SLX4IP: variants seen among roughly 807,000 people sequenced by gnomAD.
SLX4IP encodes SLX4 interacting protein, also known as protein SLX4IP.
SLX4IP carries 34 observed loss-of-function variants against 32.9 expected under a neutral mutation model. That is an observed-to-expected ratio of 1.03 (90% CI 0.79 to 1.38). SLX4IP has a LOEUF of 1.38. Ranked by LOEUF, SLX4IP falls within the 40% of genes most tolerant of loss-of-function variation. The pLI is 0.00. For synonymous variants in SLX4IP, 172 were observed against 171.7 expected, an observed-to-expected ratio of 1.00 and a Z score of -0.01; for missense variants, 444 against 479.0, an observed-to-expected ratio of 0.93 and a Z score of 0.68.
intron 6 of SLX4IP, chr20:10,614,071 C>G: frequency 1.9e-6 from 3 of 1,542,164 alleles, no homozygotes; most frequent in South Asian, 2.3e-5. Context: ...TCCTTGTCGC[C>G]CTCGCCCACC....
intron 2 of SLX4IP, among the ~76,000 whole-genome samples, chr20:10,476,156 G>A (rs1353194179): frequency 6.6e-6 from 1 of 150,710 alleles, no homozygotes; most frequent in Non-Finnish European, 1.5e-5. Context: ...GTGTGTGTGT[G>A]TATATATATA....
chr20:10,608,125 A>C (rs6032908), intron 6 of SLX4IP, among the ~76,000 whole-genome samples: 110,742 of 152,030 alleles, frequency 0.73, 40,987 homozygotes, highest in African/African-American at 0.86. Context: ...CCATTGATGA[A>C]CCCTTTGATA....
At chr20:10,472,537 A>G (rs2065434324) in intron 2 of SLX4IP, among the ~76,000 whole-genome samples, 1 of 152,072 alleles carries the variant, frequency 6.6e-6, no homozygotes, top group Non-Finnish European at 1.5e-5. Context: ...GCCTGGTAAT[A>G]CTATACATTT....
At chr20:10,613,472 T>C (rs1293296817) in intron 6 of SLX4IP, 3 of 1,601,362 alleles carry the variant, frequency 1.9e-6, no homozygotes, top group African/African-American at 2.7e-5. Context: ...ATTTTTTCCC[T>C]CCTCCTTTGG....
At chr20:10,527,075 C>T (rs2065946050) in intron 2 of SLX4IP, among the ~76,000 whole-genome samples, 1 of 152,232 alleles carries the variant, frequency 6.6e-6, no homozygotes, top group Admixed American at 6.5e-5. Context: ...GATATATCAT[C>T]TTCTGGCTGT....
intron 4 of SLX4IP, among the ~76,000 whole-genome samples, chr20:10,594,007 CGTG>C (rs2066741035): frequency 6.6e-6 from 1 of 152,106 alleles, no homozygotes; most frequent in Admixed American, 6.5e-5. Flanking sequence ...ATAATAGTGT[CGTG>C]GTGATGAAGG....
chr20:10,436,293 A>G (rs1042979819), intron 1 of SLX4IP, among the ~76,000 whole-genome samples: 4 of 152,156 alleles, frequency 2.6e-5, no homozygotes, highest in Admixed American at 6.5e-5. Flanking sequence ...ATCTTCCTCA[A>G]GAAGTGTACC....
At chr20:10,565,892 C>T (rs999406406) in intron 4 of SLX4IP, among the ~76,000 whole-genome samples, 1 of 152,182 alleles carries the variant, frequency 6.6e-6, no homozygotes, top group Non-Finnish European at 1.5e-5. Flanking sequence ...ATGTTTACTC[C>T]CCTTCTAGTT....
chr20:10,457,581 T>C (rs1051261165), intron 1 of SLX4IP, among the ~76,000 whole-genome samples: 6 of 152,094 alleles, frequency 3.9e-5, no homozygotes, highest in African/African-American at 1.2e-4. Context: ...GTGTATAATC[T>C]TTTTTACATG....
chr20:10,590,506 G>A (rs753826652), intron 4 of SLX4IP, among the ~76,000 whole-genome samples: 2 of 151,016 alleles, frequency 1.3e-5, no homozygotes, highest in Admixed American at 6.6e-5. Flanking sequence ...GATTACAGGC[G>A]CACACTGCCA....
intron 4 of SLX4IP, among the ~76,000 whole-genome samples, chr20:10,583,071 A>G (rs1364360529): frequency 6.6e-6 from 1 of 152,150 alleles, no homozygotes; most frequent in East Asian, 1.9e-4. Flanking sequence ...CATATAATGA[A>G]CCCCCACTTA....
chr20:10,556,733 A>C (rs576883140), intron 3 of SLX4IP, among the ~76,000 whole-genome samples: 25 of 152,308 alleles, frequency 1.6e-4, no homozygotes, highest in African/African-American at 6.0e-4. Flanking sequence ...ACCCATCTTA[A>C]AGCCTCAGCT....
intron 2 of SLX4IP, among the ~76,000 whole-genome samples, chr20:10,543,772 C>T (rs2066134732): frequency 6.6e-6 from 1 of 152,184 alleles, no homozygotes; most frequent in South Asian, 2.1e-4. Flanking sequence ...GTGACAGAAG[C>T]TGTTTTAGTG....
chr20:10,492,254 T>C (rs1347192100), intron 2 of SLX4IP, among the ~76,000 whole-genome samples: 1 of 152,158 alleles, frequency 6.6e-6, no homozygotes, highest in African/African-American at 2.4e-5. Context: ...TGGAGTGGGA[T>C]TGCAGAACTA....
At position 10,518,510 on chromosome 20, in the gene SLX4IP, C is replaced by CT. The variant is rs1342160229; in HGVS notation, c.28-37719dup. Among the ~76,000 whole-genome samples, 197 of 122,542 alleles carry CT rather than the reference C, an allele frequency of 1.6e-3. 2 individuals carry two copies. The highest frequency in any genetic ancestry group is 6.2e-3 in the African/African-American group (177 of 28,716). The allele number at this position is 122,542 out of a possible 152,430, so 80.4% of individuals were successfully genotyped here. ...TTCCTTTTCCTTCCTTCCTTCCTTC[C>CT]TTCCTTCCTTCCTTCCTTCCTTCCT... On this transcript the variant is annotated intron_variant, in intron 2 of 7. Coordinates refer to ENST00000334534, the MANE Select transcript of SLX4IP (RefSeq NM_001009608.3).
intron 2 of SLX4IP, among the ~76,000 whole-genome samples, chr20:10,460,933 A>G (rs1341516816): frequency 6.6e-6 from 1 of 152,114 alleles, no homozygotes; most frequent in East Asian, 1.9e-4. Context: ...CTCTAGTTAT[A>G]GTCTTGTTTT....
intron 2 of SLX4IP, among the ~76,000 whole-genome samples, chr20:10,470,900 A>C (rs2065419344): frequency 6.6e-6 from 1 of 152,230 alleles, no homozygotes; most frequent in Non-Finnish European, 1.5e-5. Context: ...TTAAAATATC[A>C]GACTTTTAAT....
chr20:10,466,269 A>T (rs1480415390), intron 2 of SLX4IP, among the ~76,000 whole-genome samples: 1 of 152,194 alleles, frequency 6.6e-6, no homozygotes, highest in Non-Finnish European at 1.5e-5. Context: ...ATTCTAACTT[A>T]TGATTTTGAA....
intron 4 of SLX4IP, among the ~76,000 whole-genome samples, chr20:10,566,459 A>G (rs1357400997): frequency 6.6e-6 from 1 of 152,086 alleles, no homozygotes; most frequent in African/African-American, 2.4e-5. Context: ...CATCTGTGTT[A>G]TAATCATCCT....
Sources: gnomAD v4.1 joint callset for allele counts (sites outside exome capture counted in the v4.1 genomes callset) on GRCh38, gnomAD v4.1.1 for gene constraint, MANE v1.5 for transcripts, NCBI Gene and HGNC (gene_info 2026-07-23, HGNC 2026-07-21) for gene names.